SCARB1: variants seen among roughly 807,000 people sequenced by gnomAD.
The protein encoded by SCARB1 is CD36 and LIMPII analogous 1.
A neutral mutation model predicts 57.2 loss-of-function variants in SCARB1; 30 were observed. The ratio of observed to expected loss-of-function variants is 0.52; its 90% CI spans 0.39 to 0.71. The LOEUF (loss-of-function observed/expected upper bound fraction) is 0.71. Among genes scored for constraint, SCARB1 ranks in the 30% least tolerant of loss-of-function variants. The pLI, the probability that SCARB1 is intolerant of heterozygous loss-of-function variation, is 0.00. For synonymous variants in SCARB1, 249 were observed against 268.3 expected, an observed-to-expected ratio of 0.93 and a Z score of 0.70; for missense variants, 543 against 671.2, an observed-to-expected ratio of 0.81 and a Z score of 2.11.
intron 1 of SCARB1, among the ~76,000 whole-genome samples, chr12:124,827,622 C>T (rs1215232058): frequency 6.6e-6 from 1 of 152,158 alleles, no homozygotes; most frequent in Non-Finnish European, 1.5e-5. Flanking sequence ...CTGTCTGTTA[C>T]TCAGCCCAGC....
At chr12:124,815,996 C>G (rs990779626) in intron 2 of SCARB1, among the ~76,000 whole-genome samples, 14 of 152,038 alleles carry the variant, frequency 9.2e-5, no homozygotes, top group Admixed American at 8.5e-4. Flanking sequence ...TCCACTGTCT[C>G]CCTCCCTCGT....
At chr12:124,851,657 A>ATCT (rs1952407253) in intron 1 of SCARB1, among the ~76,000 whole-genome samples, 3 of 145,010 alleles carry the variant, frequency 2.1e-5, no homozygotes, top group Non-Finnish European at 4.5e-5. Context: ...ACCTAGGCTG[A>ATCT]AGTGCAGTGG....
chr12:124,820,371 T>C (rs75271301), intron 1 of SCARB1, among the ~76,000 whole-genome samples: 6,009 of 152,208 alleles, frequency 0.039, 442 homozygotes, highest in African/African-American at 0.14. Context: ...TGGAGGGCAC[T>C]GAGGAGTCCG....
intron 8 of SCARB1, among the ~76,000 whole-genome samples, chr12:124,798,846 G>GAA (rs377087563): frequency 1.9e-4 from 24 of 129,528 alleles, no homozygotes; most frequent in East Asian, 9.0e-4. Flanking sequence ...CTCCATCTCA[G>GAA]AAAAAAAAAA....
At chr12:124,801,131 T>C (rs1950114155) in intron 7 of SCARB1, among the ~76,000 whole-genome samples, 1 of 152,026 alleles carries the variant, frequency 6.6e-6, no homozygotes, top group African/African-American at 2.4e-5. Flanking sequence ...CCTCAGAGGT[T>C]GAGGCTACAG....
chr12:124,861,597 G>A (rs1445817271), intron 1 of SCARB1, among the ~76,000 whole-genome samples: 1 of 152,210 alleles, frequency 6.6e-6, no homozygotes, highest in East Asian at 1.9e-4. Context: ...CTGGTCCCCT[G>A]AACACAGGCT....
Position 124,807,378 on chromosome 12 carries a change from G to T in SCARB1, c.1009+383C>A, listed in dbSNP as rs1180537498. On this transcript the variant is annotated intron_variant, in intron 7 of 12. Coordinates refer to ENST00000261693, the MANE Select transcript of SCARB1 (RefSeq NM_005505.5). This position sits in a 1 kb window ranked among gnomAD's most constrained non-coding sequence, Gnocchi z 5.3. The stretch of plus-strand genomic sequence containing the variant: ...TTGCTGGCCTCAAAGGTGGAGGAAG[G>T]GCCCGGGAGCCAAGAAACACAGAGG... Among the ~76,000 whole-genome samples, 1 of 152,040 alleles carries T rather than the reference G, an allele frequency of 6.6e-6. No individual in the cohort carries two copies. Among genetic ancestry groups the T allele is most frequent in the Non-Finnish European group, 1.5e-5 (1 of 68,004 alleles).
chr12:124,799,271 T>TC (rs1372609220), intron 8 of SCARB1, among the ~76,000 whole-genome samples: 2 of 152,194 alleles, frequency 1.3e-5, no homozygotes, highest in African/African-American at 4.8e-5. Flanking sequence ...ATGCCTGTAA[T>TC]CCCGGTACTT....
chr12:124,817,260 C>T lies in SCARB1; in HGVS notation c.284+290G>A, dbSNP rs1950772011. Among the ~76,000 whole-genome samples, 1 of 149,584 alleles carries T rather than the reference C, an allele frequency of 6.7e-6. No homozygotes were observed. The highest frequency in any genetic ancestry group is 1.5e-5 in the Non-Finnish European group (1 of 67,764). On this transcript the variant is annotated intron_variant, in intron 2 of 12. Coordinates refer to ENST00000261693, the MANE Select transcript of SCARB1 (RefSeq NM_005505.5). The surrounding 1 kb of genome is among the most constrained non-coding windows in gnomAD (Gnocchi z 4.8). Reference sequence around the variant, plus strand: ...CTAGGCAACGTCTGGTGATTCGCACCTGTAATCCCAGCACTTTGAGAGGCT... The same window carrying T: ...CTAGGCAACGTCTGGTGATTCGCACTTGTAATCCCAGCACTTTGAGAGGCT...
chr12:124,855,825 C>A (rs1388263958), intron 1 of SCARB1, among the ~76,000 whole-genome samples: 1 of 152,200 alleles, frequency 6.6e-6, no homozygotes, highest in Admixed American at 6.5e-5. Context: ...TGGAATCACC[C>A]TCTGGACACT....
At position 124,778,127 on chromosome 12, in the gene SCARB1, A is replaced by C. The variant is rs1413962341; in HGVS notation, c.*460T>G. The C allele has an allele frequency of 8.5e-6, 2 of 235,244 alleles. No individual in the cohort carries two copies. The highest frequency in any genetic ancestry group is 4.5e-5 in the African/African-American group (2 of 44,438). 14.6% of individuals were successfully genotyped at this position (235,244 alleles called of 1,614,324 possible). A position where few individuals can be genotyped will look rare whatever the true frequency, so the allele number is the denominator to read the frequency against. On this transcript the variant is annotated 3_prime_UTR_variant, in exon 13 of 13. Transcript: ENST00000261693. ...ACTGAGTCCCCACTGAATTTGGCAC[A>C]GGAAGGCGGCACTCCCAGCCTGGCC...
Position 124,787,467 on chromosome 12 carries a change from A to C in SCARB1, c.1203-10T>G. The C allele has an allele frequency of 6.2e-7, 1 of 1,612,382 alleles. No homozygotes were observed. The highest frequency in any genetic ancestry group is 8.5e-7 in the Non-Finnish European group (1 of 1,179,122). On this transcript the variant is annotated splice_polypyrimidine_tract_variant and intron_variant, in intron 9 of 12. Transcript: ENST00000261693. ...AATCTTCCCAGTTTGTCTGGAAATA[A>C]GCAAGACATAGCTGTGTGAAACAAA...
At chr12:124,790,705 C>A (rs994091358) in intron 9 of SCARB1, among the ~76,000 whole-genome samples, 2 of 152,284 alleles carry the variant, frequency 1.3e-5, no homozygotes, top group Middle Eastern at 3.4e-3. Context: ...CCCACACAGA[C>A]CCCCCCACAA....
At chr12:124,861,247 C>A (rs559739441) in intron 1 of SCARB1, among the ~76,000 whole-genome samples, 2 of 152,130 alleles carry the variant, frequency 1.3e-5, no homozygotes, top group Admixed American at 6.6e-5. Flanking sequence ...CGCATCCTCC[C>A]GTATTCTTTA....
In SCARB1 at chr12:124,786,334, G is replaced by A. The variant is rs1033493192; in HGVS notation, c.1401+23C>T. 6.2e-6 allele frequency: 10 copies of A among 1,612,696 alleles called. No individual in the cohort carries two copies. In the Admixed American group the frequency reaches 1.0e-4, roughly 16 times the overall value. ...GGCAAGCGAATGGCTGTCAGCCCGG[G>A]CTGCCCTCTGGCCAGCACCTACTTG... is the stretch of plus-strand genomic sequence containing the variant. On this transcript the variant is annotated intron_variant, in intron 11 of 12. Transcript: ENST00000261693.
At chr12:124,806,366 A>T (rs1413832886) in intron 7 of SCARB1, among the ~76,000 whole-genome samples, 3 of 152,160 alleles carry the variant, frequency 2.0e-5, no homozygotes, top group Non-Finnish European at 2.9e-5. Context: ...TGTCTCAGGG[A>T]CTGGCACACA....
intron 2 of SCARB1, among the ~76,000 whole-genome samples, chr12:124,815,331 C>A (rs1003229879): frequency 6.6e-6 from 1 of 152,228 alleles, no homozygotes; most frequent in African/African-American, 2.4e-5. Flanking sequence ...CGGCCTCGTT[C>A]TGCTCTCCCC....
chr12:124,796,214 A>C lies in SCARB1; in HGVS notation c.1129-946T>G, dbSNP rs1446864209. Among the ~76,000 whole-genome samples the C allele has an allele frequency of 6.6e-6, 1 of 152,222 alleles. No individual in the cohort carries two copies. Among genetic ancestry groups the C allele is most frequent in the Non-Finnish European group, 1.5e-5 (1 of 68,040 alleles). The stretch of plus-strand genomic sequence containing the variant: ...AGCGAACTGCCCACCTTGGCCTCCC[A>C]AAGTGGGATTACAGGCGTGAGCCAC... On this transcript the variant is annotated intron_variant, in intron 8 of 12. Coordinates refer to ENST00000261693, the MANE Select transcript of SCARB1 (RefSeq NM_005505.5). This position sits in a 1 kb window ranked among gnomAD's most constrained non-coding sequence, Gnocchi z 4.0.
chr12:124,826,330 CAA>C (rs55809371), intron 1 of SCARB1, among the ~76,000 whole-genome samples: 20 of 78,882 alleles, frequency 2.5e-4, no homozygotes, highest in African/African-American at 3.2e-4. Context: ...GACCCTGTCT[CAA>C]AAAAAAAAAA....
Sources: gnomAD v4.1 joint callset for allele counts (sites outside exome capture counted in the v4.1 genomes callset) on GRCh38, gnomAD v4.1.1 for gene constraint, Gnocchi (gnomAD v3.1) non-coding constraint, MANE v1.5 for transcripts, NCBI Gene and HGNC (gene_info 2026-07-23, HGNC 2026-07-21) for gene names.